Variants in PRKAB2 observed in about 807,000 individuals in gnomAD.
The protein encoded by PRKAB2 is 5'-AMP-activated protein kinase subunit beta-2.
A neutral mutation model predicts 29.8 loss-of-function variants in PRKAB2; 18 were observed. That is an observed-to-expected ratio of 0.60 (90% CI 0.42 to 0.89). The LOEUF is 0.89. Ranked by LOEUF, PRKAB2 falls within the 40% of genes least tolerant of loss-of-function variation. The probability of loss-of-function intolerance (pLI) is 0.00; values close to 1 mark genes in which losing one functional copy is unlikely to be tolerated. For synonymous variants in PRKAB2, 136 were observed against 125.9 expected (o/e 1.08, Z -0.54); for missense variants, 270 against 344.3 (o/e 0.78, Z 1.71).
rs1442760 is a variant in PRKAB2 at position 147,156,828 on chromosome 1, T to C, written c.*2737A>G. On this transcript the variant is annotated 3_prime_UTR_variant, in exon 8 of 8. Transcript: ENST00000254101. ...AGATGGTTATACACTGCTAATTCTG[T>C]ACAGTGAGATCCAAGGACACCACCA... 87,216 of 151,978 alleles carry C rather than the reference T, an allele frequency of 0.57. 27,868 individuals are homozygous for C. Among genetic ancestry groups the C allele is most frequent in the East Asian group, 0.86 (4,425 of 5,152 alleles). The allele number at this position is 151,978 out of a possible 1,614,324, so 9.4% of individuals were successfully genotyped here.
chr1:147,170,189 T>C (rs1157111195), intron 2 of PRKAB2, among the ~76,000 whole-genome samples: 1 of 152,216 alleles, frequency 6.6e-6, no homozygotes, highest in Non-Finnish European at 1.5e-5. Context: ...TTGAGAACTA[T>C]AAAATTTTAG....
chr1:147,169,191 A>T (rs587667559), intron 2 of PRKAB2, among the ~76,000 whole-genome samples: 61 of 151,152 alleles, frequency 4.0e-4, no homozygotes, highest in African/African-American at 7.3e-4. Flanking sequence ...GTTTTTTTTT[A>T]AAAAAAGGAC....
chr1:147,172,280 A>G lies in PRKAB2; in HGVS notation c.-23-113T>C, dbSNP rs1347638022. 22 of 1,241,914 alleles carry G rather than the reference A, an allele frequency of 1.8e-5. 1 individual carries two copies. The East Asian group carries it at 6.0e-4, about 34-fold the overall frequency. The allele number at this position is 1,241,914 out of a possible 1,614,324, so 76.9% of individuals were successfully genotyped here. A position where few individuals can be genotyped will look rare whatever the true frequency, so the allele number is the denominator to read the frequency against. ...GGCAAGGGATTCCCCGCCCCAGGGA[A>G]GCCGAGCCCTGGAGCCCTCTCCCTC... On this transcript the variant is annotated intron_variant, in intron 1 of 7. Coordinates refer to ENST00000254101, the MANE Select transcript of PRKAB2 (RefSeq NM_005399.5).
intron 7 of PRKAB2, among the ~76,000 whole-genome samples, chr1:147,160,316 C>T (rs952575773): frequency 2.0e-5 from 3 of 152,060 alleles, no homozygotes; most frequent in African/African-American, 2.4e-5. Flanking sequence ...TGGGTCAGAA[C>T]CAAGCTAAGC....
chr1:147,168,353 A>C (rs1654354700), intron 2 of PRKAB2, among the ~76,000 whole-genome samples: 1 of 152,220 alleles, frequency 6.6e-6, no homozygotes, highest in African/African-American at 2.4e-5. Flanking sequence ...TCAGCCATAT[A>C]TTTTTATAGG....
rs587619838 is a variant in PRKAB2 at position 147,155,827 on chromosome 1, G to A, written c.*3738C>T. The A allele has an allele frequency of 1.3e-5, 2 of 152,654 alleles. No homozygotes were observed. The highest frequency in any genetic ancestry group is 6.5e-5 in the Admixed American group (1 of 15,286). 9.5% of individuals were successfully genotyped at this position (152,654 alleles called of 1,614,324 possible). ...AAAGCCCAAACTAGAATCCTAGAGC[G>A]ATTCCATTGCTAAGAATTGGACTCT... is the stretch of plus-strand genomic sequence containing the variant. On this transcript the variant is annotated 3_prime_UTR_variant, in exon 8 of 8. Coordinates refer to ENST00000254101, the MANE Select transcript of PRKAB2 (RefSeq NM_005399.5).
rs990562435 is a variant in PRKAB2, at chr1:147,159,613, A to G, written c.771T>C (p.His257=). Residue 257 remains histidine (H), a synonymous_variant, in exon 8 of 8, where the codon CAT becomes CAC. Transcript: ENST00000254101. ...KDSVMVLSAT[H]RYKKKYVTTL... is the part of the protein sequence containing the mutation. Reference sequence around the variant, plus strand: ...TAGTAACATACTTCTTCTTGTAGCGATGGGTTGCGCTAAGGACCATCACAC... The same window carrying G: ...TAGTAACATACTTCTTCTTGTAGCGGTGGGTTGCGCTAAGGACCATCACAC... 6.2e-6 allele frequency: 10 copies of G among 1,613,496 alleles called. No individual in the cohort carries two copies. The East Asian group carries it at 2.2e-4, about 36-fold the overall frequency.
chr1:147,166,365 C>A lies in PRKAB2; in HGVS notation c.538+133G>T, dbSNP rs1377229562. Reference sequence around the variant, plus strand: ...ACCTAAATGTTTACAGGAGAAAAATCTCTGTCTCTCTCTCTCCTCCCCCCA... The same window carrying A: ...ACCTAAATGTTTACAGGAGAAAAATATCTGTCTCTCTCTCTCCTCCCCCCA... On this transcript the variant is annotated intron_variant, in intron 5 of 7. Transcript: ENST00000254101. 6.6e-6 allele frequency: 6 copies of A among 907,970 alleles called. No individual in the cohort carries two copies. The African/African-American group carries it at 6.8e-5, about 10-fold the overall frequency. The allele number at this position is 907,970 out of a possible 1,614,324, so 56.2% of individuals were successfully genotyped here.
chr1:147,172,335 C>A, intron 1 of PRKAB2, 94 bp downstream of exon 1: 1 of 756,532 alleles, frequency 1.3e-6, no homozygotes, highest in South Asian at 2.0e-5. Context: ...GCAAATACCC[C>A]GGTGCCCTCA....
At chr1:147,159,954 AAT>A (rs1228634702) in intron 7 of PRKAB2, among the ~76,000 whole-genome samples, 9 of 152,166 alleles carry the variant, frequency 5.9e-5, no homozygotes, top group Non-Finnish European at 1.3e-4. Context: ...CTGAAGAAAT[AAT>A]AGTCTCCTAC....
intron 1 of PRKAB2, 53 bp from the exon 2 acceptor site, chr1:147,172,220 G>T: frequency 6.9e-7 from 1 of 1,454,486 alleles, no homozygotes; most frequent in Non-Finnish European, 9.0e-7. Flanking sequence ...CGCGTCAGGG[G>T]CGCCCCCCGG....
intron 5 of PRKAB2, 150 bp downstream of exon 5, chr1:147,166,348 G>C: frequency 1.3e-6 from 1 of 758,516 alleles, no homozygotes; most frequent in Non-Finnish European, 2.0e-6. Flanking sequence ...AGACCTAAAT[G>C]TTTACAGGAG....
intron 6 of PRKAB2, among the ~76,000 whole-genome samples, chr1:147,162,117 A>G (rs1158103357): frequency 7.9e-5 from 12 of 152,180 alleles, no homozygotes; most frequent in Non-Finnish European, 1.6e-4. Flanking sequence ...TTGAATAGAG[A>G]CATGAATTAT....
At chr1:147,172,317 G>C (rs1654698885) in intron 1 of PRKAB2, 112 bp downstream of exon 1, 1 of 898,372 alleles carries the variant, frequency 1.1e-6, no homozygotes, top group Non-Finnish European at 1.6e-6. Flanking sequence ...TGGCCTGCGG[G>C]AACGCCTGCA....
chr1:147,170,765 A>G (rs1553914259), intron 2 of PRKAB2, among the ~76,000 whole-genome samples: 1 of 152,140 alleles, frequency 6.6e-6, no homozygotes, highest in African/African-American at 2.4e-5. Context: ...TATTTTTAGT[A>G]GAGACGGGGT....
rs10900321 is a variant in PRKAB2, at chr1:147,158,337, C to T, written c.*1228G>A. On this transcript the variant is annotated 3_prime_UTR_variant, in exon 8 of 8. Transcript: ENST00000254101. ...CTAGGAATACTCTCTTGCTTCTTGG[C>T]CTAACAAATCTTTAAAATGAGGAAC... 0.48 allele frequency: 72,260 copies of T among 151,886 alleles called. 18,336 individuals are homozygous for T. Among genetic ancestry groups the T allele is most frequent in the East Asian group, 0.86 (4,431 of 5,166 alleles). The allele number at this position is 151,886 out of a possible 1,614,324, so 9.4% of individuals were successfully genotyped here.
At chr1:147,162,234 G>A (rs145337817) in intron 6 of PRKAB2, among the ~76,000 whole-genome samples, 16 of 152,298 alleles carry the variant, frequency 1.1e-4, no homozygotes, top group African/African-American at 3.4e-4. Context: ...TTATTAGGAT[G>A]AGGAGACAAC....
At chr1:147,166,418 T>A in intron 5 of PRKAB2, 80 bp downstream of exon 5, 1 of 1,447,176 alleles carries the variant, frequency 6.9e-7, no homozygotes, top group Non-Finnish European at 9.4e-7. Context: ...TCCCTCTATA[T>A]GTATATACAC....
rs1417041042 is a variant in PRKAB2 at position 147,155,782 on chromosome 1, T to C, written c.*3783A>G. 1 of 152,574 alleles carries C rather than the reference T, an allele frequency of 6.6e-6. No homozygotes were observed. Among genetic ancestry groups the C allele is most frequent in the Non-Finnish European group, 1.5e-5 (1 of 68,016 alleles). 9.5% of individuals were successfully genotyped at this position (152,574 alleles called of 1,614,324 possible). A position where few individuals can be genotyped will look rare whatever the true frequency, so the allele number is the denominator to read the frequency against. The stretch of plus-strand genomic sequence containing the variant: ...AAGCTTATTCACTTCAAAGCACAAC[T>C]GAGAAAAGCAAATCCAGACAAAGCC... On this transcript the variant is annotated 3_prime_UTR_variant, in exon 8 of 8. Coordinates refer to ENST00000254101, the MANE Select transcript of PRKAB2 (RefSeq NM_005399.5).
Sources: allele counts gnomAD v4.1 joint callset (sites outside exome capture counted in the v4.1 genomes callset), GRCh38; gene constraint gnomAD v4.1.1; transcripts MANE v1.5; gene names NCBI Gene and HGNC (gene_info 2026-07-23, HGNC 2026-07-21).